The following TNR variants were observed in gnomAD, a reference collection of about 807,000 sequenced individuals.
TNR encodes tenascin R.
TNR carries 45 observed loss-of-function variants against 150.4 expected under a neutral mutation model. That is an observed-to-expected ratio of 0.30 (90% CI 0.24 to 0.38). The LOEUF is 0.38. Among genes scored for constraint, TNR ranks in the 10% least tolerant of loss-of-function variants. The pLI, the probability that TNR is intolerant of heterozygous loss-of-function variation, is 1.00. For synonymous variants in TNR, 687 were observed against 678.4 expected, an observed-to-expected ratio of 1.01 and a Z score of -0.20; for missense variants, 1,544 against 1,759.1, an observed-to-expected ratio of 0.88 and a Z score of 2.19.
At chr1:175,556,756 G>A (rs796886197) in intron 1 of TNR, 9 of 152,532 alleles carry the variant, frequency 5.9e-5, no homozygotes, top group African/African-American at 2.2e-4. Context: ...ATACTCCGGT[G>A]TCCTCAGCAC....
At chr1:175,725,549 A>G (rs751024472) in intron 1 of TNR, among the ~76,000 whole-genome samples, 1 of 152,370 alleles carries the variant, frequency 6.6e-6, no homozygotes, top group Middle Eastern at 3.4e-3. Flanking sequence ...GTTCAGTGAC[A>G]TCTGTTTCTT....
chr1:175,442,374 A>G (rs1263976568), intron 2 of TNR, among the ~76,000 whole-genome samples: 1 of 152,160 alleles, frequency 6.6e-6, no homozygotes, highest in Non-Finnish European at 1.5e-5. Flanking sequence ...AGATGAAAGC[A>G]AGTGGAAGTG....
At chr1:175,359,548 C>T (rs569138283) in intron 15 of TNR, 64 bp downstream of exon 15, 1 of 1,611,030 alleles carries the variant, frequency 6.2e-7, no homozygotes, top group Admixed American at 1.7e-5. Flanking sequence ...TCACATCATA[C>T]TGGTCTGCAG....
At chr1:175,708,646 T>TGACCA (rs1666908811) in intron 1 of TNR, among the ~76,000 whole-genome samples, 1 of 152,158 alleles carries the variant, frequency 6.6e-6, no homozygotes, top group Non-Finnish European at 1.5e-5. Flanking sequence ...ATCTACCTCC[T>TGACCA]GACCAGTCGT....
chr1:175,586,887 A>G (rs2101834453), intron 1 of TNR, among the ~76,000 whole-genome samples: 1 of 152,304 alleles, frequency 6.6e-6, no homozygotes, highest in Admixed American at 6.5e-5. Context: ...TGTAGGGATG[A>G]AGATTGGCCA....
intron 9 of TNR, among the ~76,000 whole-genome samples, chr1:175,370,565 G>C (rs574166117): frequency 6.6e-6 from 1 of 151,976 alleles, no homozygotes; most frequent in African/African-American, 2.4e-5. Context: ...TAGATTGAGT[G>C]GGTGATTGCA....
intron 2 of TNR, among the ~76,000 whole-genome samples, chr1:175,495,865 A>G (rs1658466320): frequency 6.6e-6 from 1 of 152,258 alleles, no homozygotes. Flanking sequence ...CTCAAACTGT[A>G]TCTTTTCGAA....
intron 1 of TNR, among the ~76,000 whole-genome samples, chr1:175,685,378 A>G (rs1432702681): frequency 6.6e-6 from 1 of 152,144 alleles, no homozygotes; most frequent in Non-Finnish European, 1.5e-5. Context: ...TATTCAAACA[A>G]TACTCATTGC....
intron 2 of TNR, among the ~76,000 whole-genome samples, chr1:175,464,548 C>T (rs1053113262): frequency 1.3e-5 from 2 of 152,172 alleles, no homozygotes; most frequent in South Asian, 2.1e-4. Flanking sequence ...AGAACATAGG[C>T]GTTCAGGCAC....
At chr1:175,330,897 C>T (rs569762393) in intron 20 of TNR, among the ~76,000 whole-genome samples, 6 of 152,342 alleles carry the variant, frequency 3.9e-5, no homozygotes, top group African/African-American at 1.4e-4. Context: ...TCTGCTTCTT[C>T]CTTTGCCTCT....
chr1:175,553,817 A>AACACACACACAC (rs58714689), intron 1 of TNR, among the ~76,000 whole-genome samples: 3,592 of 145,452 alleles, frequency 0.025, 65 homozygotes, highest in Non-Finnish European at 0.039. Context: ...TACAAGAACA[A>AACACACACACAC]ACACACACAC....
intron 1 of TNR, among the ~76,000 whole-genome samples, chr1:175,741,162 G>A (rs1327175529): frequency 6.6e-6 from 1 of 152,236 alleles, no homozygotes; most frequent in Non-Finnish European, 1.5e-5. Flanking sequence ...CCAATGGGGA[G>A]CAATCCATTC....
intron 1 of TNR, among the ~76,000 whole-genome samples, chr1:175,534,197 A>T (rs1660181788): frequency 6.6e-6 from 1 of 152,188 alleles, no homozygotes; most frequent in African/African-American, 2.4e-5. Flanking sequence ...GAGGACTCAC[A>T]GGGTTGGGTG....
intron 2 of TNR, among the ~76,000 whole-genome samples, chr1:175,524,259 CTGCCGAATTA>C (rs1267649104): frequency 1.3e-5 from 2 of 152,022 alleles, no homozygotes; most frequent in African/African-American, 4.8e-5. Context: ...ACATGCATGT[CTGCCGAATTA>C]TGTTGAATTT....
At chr1:175,395,781 C>T (rs980120678) in intron 5 of TNR, among the ~76,000 whole-genome samples, 6 of 152,200 alleles carry the variant, frequency 3.9e-5, no homozygotes, top group Non-Finnish European at 8.8e-5. Context: ...TCTTATTCTA[C>T]TCTGTGATGT....
intron 3 of TNR, among the ~76,000 whole-genome samples, chr1:175,405,008 C>T (rs1653882069): frequency 6.6e-6 from 1 of 152,218 alleles, no homozygotes; most frequent in African/African-American, 2.4e-5. Context: ...CCCTCTACAT[C>T]TGCGGGCCAT....
At chr1:175,679,933 G>A (rs183292435) in intron 1 of TNR, among the ~76,000 whole-genome samples, 174 of 152,244 alleles carry the variant, frequency 1.1e-3, no homozygotes, top group African/African-American at 3.9e-3. Context: ...GAGGTCCTCC[G>A]AGTACTGTGC....
At chr1:175,371,931 C>T (rs920934686) in intron 9 of TNR, among the ~76,000 whole-genome samples, 2 of 152,160 alleles carry the variant, frequency 1.3e-5, no homozygotes, top group African/African-American at 4.8e-5. Context: ...TGCTTGTCCC[C>T]TCCAAATCTC....
intron 1 of TNR, among the ~76,000 whole-genome samples, chr1:175,577,849 T>C (rs1304673600): frequency 6.6e-6 from 1 of 152,158 alleles, no homozygotes; most frequent in African/African-American, 2.4e-5. Context: ...AGTTTCACAT[T>C]TTTCTGCAGG....
Sources: allele counts gnomAD v4.1 joint callset (sites outside exome capture counted in the v4.1 genomes callset), GRCh38; gene constraint gnomAD v4.1.1; transcripts MANE v1.5; gene names NCBI Gene and HGNC (gene_info 2026-07-23, HGNC 2026-07-21).